KCNT1: variants seen among roughly 807,000 people sequenced by gnomAD.
KCNT1 encodes the protein potassium channel subfamily T member 1.
KCNT1 carries 78 observed loss-of-function variants against 147.8 expected under a neutral mutation model. That is an observed-to-expected ratio of 0.53 (90% CI 0.44 to 0.64). The LOEUF (loss-of-function observed/expected upper bound fraction) is 0.64, where lower values mean the gene tolerates loss of function less well. KCNT1 is among the 30% of genes least tolerant of loss of function. The pLI, the probability that KCNT1 is intolerant of heterozygous loss-of-function variation, is 0.00. For missense variants in KCNT1, 1,419 were observed against 1,750.3 expected (o/e 0.81, Z 3.38); for synonymous variants, 867 against 748.8 (o/e 1.16, Z -2.58).
At chr9:135,763,378 C>T (rs770019654) in intron 11 of KCNT1, among the ~76,000 whole-genome samples, 2 of 152,252 alleles carry the variant, frequency 1.3e-5, no homozygotes, top group African/African-American at 2.4e-5. Context: ...CCCTCGCTCA[C>T]GAGCGTCCTT....
At chr9:135,721,412 C>T (rs1296398344) in intron 2 of KCNT1, among the ~76,000 whole-genome samples, 1 of 152,212 alleles carries the variant, frequency 6.6e-6, no homozygotes, top group Non-Finnish European at 1.5e-5. Context: ...GCCCCTGGCC[C>T]TTCTCGCCCT....
At position 135,777,387 on chromosome 9, in the gene KCNT1, A is replaced by G; in HGVS notation, c.2399A>G (p.Asn800Ser). 6.2e-7 allele frequency: 1 copy of G among 1,614,078 alleles called. No individual in the cohort carries two copies. The highest frequency in any genetic ancestry group is 8.5e-7 in the Non-Finnish European group (1 of 1,179,964). Residue 800 changes from asparagine (N) to serine (S), a missense_variant, in exon 21 of 31, where the codon AAC becomes AGC. Asn to Ser is a conservative substitution (Grantham distance 46). Coordinates refer to ENST00000371757, the MANE Select transcript of KCNT1 (RefSeq NM_020822.3). ...GACGCCAAGGCCTACGGGTTCAAGA[A>G]CAAGCTGATCATCGTCTCGGCAGAG... ...YEDAKAYGFK[N>S]KLIIVSAETA...
chr9:135,770,110 G>A, intron 16 of KCNT1, 55 bp downstream of exon 16: 1 of 1,480,082 alleles, frequency 6.8e-7, no homozygotes, highest in African/African-American at 1.4e-5. Context: ...GGCGCAGGGA[G>A]ACAACGCAGG....
chr9:135,702,461 C>G lies in KCNT1; in HGVS notation c.110+93C>G. 3 of 1,067,486 alleles carry G rather than the reference C, an allele frequency of 2.8e-6. No individual in the cohort carries two copies. In the South Asian group the frequency reaches 3.9e-5, roughly 14 times the overall value. 66.1% of individuals were successfully genotyped at this position (1,067,486 alleles called of 1,614,324 possible). A position where few individuals can be genotyped will look rare whatever the true frequency, so the allele number is the denominator to read the frequency against. Reference sequence around the variant, plus strand: ...TCAGGCTCCCGCACCCTCCAGGACCCGCCATTCCCAGGGCCATCCAACTTC... The same window carrying G: ...TCAGGCTCCCGCACCCTCCAGGACCGGCCATTCCCAGGGCCATCCAACTTC... On this transcript the variant is annotated intron_variant, in intron 1 of 30. Transcript: ENST00000371757.
intron 10 of KCNT1, 105 bp from the exon 11 acceptor site, chr9:135,759,574 C>T (rs2131450086): frequency 5.5e-6 from 7 of 1,264,588 alleles, no homozygotes; most frequent in East Asian, 2.6e-5. Flanking sequence ...ATGCACAGCT[C>T]AGTCTCCTGG....
At chr9:135,718,377 C>T (rs988274083) in intron 2 of KCNT1, among the ~76,000 whole-genome samples, 1 of 152,186 alleles carries the variant, frequency 6.6e-6, no homozygotes, top group Non-Finnish European at 1.5e-5. Context: ...CCCAGCAAGA[C>T]CTGCCTGCCG....
intron 1 of KCNT1, among the ~76,000 whole-genome samples, chr9:135,713,499 C>T (rs957275802): frequency 1.3e-5 from 2 of 152,204 alleles, no homozygotes; most frequent in Non-Finnish European, 2.9e-5. Flanking sequence ...GTGCCCACCC[C>T]TCCCGACTTG....
chr9:135,787,148 A>G lies in KCNT1; in HGVS notation c.3502+627A>G, dbSNP rs529845492. Among the ~76,000 whole-genome samples, 49 of 152,312 alleles carry G rather than the reference A, an allele frequency of 3.2e-4. 1 individual carries two copies. In the South Asian group the frequency reaches 9.9e-3, roughly 31 times the overall value. On this transcript the variant is annotated intron_variant, in intron 29 of 30. Transcript: ENST00000371757. Reference sequence around the variant, plus strand: ...ATGCCAGGACATGCCTCTGTCCACCATGGGCCTGTTGCCACTCCCACGGCA... The same window carrying G: ...ATGCCAGGACATGCCTCTGTCCACCGTGGGCCTGTTGCCACTCCCACGGCA...
chr9:135,768,442 G>A lies in KCNT1; in HGVS notation c.1338-168G>A, dbSNP rs35591318. 0.02 allele frequency: 8,749 copies of A among 443,724 alleles called. 599 individuals are homozygous for A. The East Asian group carries it at 0.23, about 12-fold the overall frequency. 27.5% of individuals were successfully genotyped at this position (443,724 alleles called of 1,614,324 possible). On this transcript the variant is annotated intron_variant, in intron 13 of 30. Coordinates refer to ENST00000371757, the MANE Select transcript of KCNT1 (RefSeq NM_020822.3). ...CCTCCTCCCGCCTTCCATCCTCCCC[G>A]CCTTCCATCCTCTCCGCCTTCCATC...
chr9:135,716,628 A>G (rs2131333431), intron 2 of KCNT1, among the ~76,000 whole-genome samples: 1 of 152,186 alleles, frequency 6.6e-6, no homozygotes, highest in Non-Finnish European at 1.5e-5. Context: ...CCTGGCAGCT[A>G]CCGATTTGCA....
At chr9:135,768,245 G>GGC (rs1209506137) in intron 13 of KCNT1, among the ~76,000 whole-genome samples, 1 of 40,058 alleles carries the variant, frequency 2.5e-5, no homozygotes, top group Non-Finnish European at 7.2e-5. Context: ...GCCTGCGGGG[G>GGC]GGGGGGGGGG....
intron 2 of KCNT1, among the ~76,000 whole-genome samples, chr9:135,716,781 T>TAC (rs1835737216): frequency 1.3e-5 from 2 of 152,198 alleles, no homozygotes; most frequent in South Asian, 4.2e-4. Context: ...GCCCATGGGG[T>TAC]ACAGGGCATC....
At chr9:135,704,754 T>C (rs1411568663) in intron 1 of KCNT1, among the ~76,000 whole-genome samples, 1 of 152,168 alleles carries the variant, frequency 6.6e-6, no homozygotes, top group Non-Finnish European at 1.5e-5. Context: ...GGTACATGCC[T>C]GGCCCAAGGT....
At chr9:135,773,439 G>T (rs958560037) in intron 19 of KCNT1, among the ~76,000 whole-genome samples, 1 of 152,222 alleles carries the variant, frequency 6.6e-6, no homozygotes, top group African/African-American at 2.4e-5. Flanking sequence ...GGCACAGCCC[G>T]CCTGACCAGG....
intron 2 of KCNT1, chr9:135,736,924 C>A (rs1433477604): frequency 1.7e-5 from 5 of 295,094 alleles, no homozygotes; most frequent in Non-Finnish European, 3.1e-5. Context: ...CTAAGCCCAC[C>A]ACAGCGCCCT....
chr9:135,790,336 G>A (rs1172244504), intron 29 of KCNT1: 1 of 152,266 alleles, frequency 6.6e-6, no homozygotes, highest in African/African-American at 2.4e-5. Context: ...CTCAGCATGA[G>A]GCCCCTGGGC....
At chr9:135,768,533 C>CCACCT (rs1171299231) in intron 13 of KCNT1, 77 bp from the exon 14 acceptor site, 9 of 1,177,130 alleles carry the variant, frequency 7.6e-6, no homozygotes, top group African/African-American at 1.5e-5. Context: ...GAGGTCCTCC[C>CCACCT]CACCTCACCT....
rs776285392 is a variant in KCNT1, at chr9:135,786,315, C to T, written c.3296C>T (p.Pro1099Leu). 2 of 1,600,206 alleles carry T rather than the reference C, an allele frequency of 1.2e-6. No homozygotes were observed. The highest frequency in any genetic ancestry group is 8.5e-7 in the Non-Finnish European group (1 of 1,174,968). The change falls in exon 29 of 31, where the codon CCC (proline) becomes CTC (leucine). Residue 1099 changes from proline to leucine, a missense_variant. By Grantham distance (98) the Pro-to-Leu change is moderately conservative (BLOSUM62 -3). Transcript: ENST00000371757. ...GGCCGCCACACGGGCGGCGGTGACCCCGCAGAGCACCCACTGCTACGGCGC... is the reference window on the plus strand; with the variant it reads ...GGCCGCCACACGGGCGGCGGTGACCTCGCAGAGCACCCACTGCTACGGCGC... The part of the protein sequence containing the change: ...SQGRHTGGGD[P>L]AEHPLLRRKS...
intron 11 of KCNT1, among the ~76,000 whole-genome samples, chr9:135,760,392 T>C: frequency 6.6e-6 from 1 of 152,150 alleles, no homozygotes; most frequent in Non-Finnish European, 1.5e-5. Context: ...GGGCCTGGAC[T>C]GCCTCCGACA....
Sources: allele counts gnomAD v4.1 joint callset (sites outside exome capture counted in the v4.1 genomes callset), GRCh38; gene constraint gnomAD v4.1.1; transcripts MANE v1.5; gene names NCBI Gene and HGNC (gene_info 2026-07-23, HGNC 2026-07-21).